Variants in NAALADL2 observed in about 807,000 individuals in gnomAD.
NAALADL2 encodes the protein N-acetylated alpha-linked acidic dipeptidase like 2.
Under a neutral mutation model 87.2 loss-of-function variants are expected in NAALADL2, and 76 were observed. The observed-to-expected ratio is 0.87, with a 90% CI of 0.72 to 1.05. NAALADL2 has a LOEUF of 1.05. Among genes scored for constraint, NAALADL2 ranks in the 50% least tolerant of loss-of-function variants. The pLI is 0.00. For synonymous variants in NAALADL2, 354 were observed against 331.0 expected (o/e 1.07, Z -0.75); for missense variants, 1,089 against 945.8 (o/e 1.15, Z -1.99).
rs1258506530 is a variant in NAALADL2, at chr3:174,522,916, A to G, written c.-183-27653A>G. ...GCCACTGCACTCCAGCTTGGGCGAA[A>G]GAGCGAGACTCTGTCTCAAAAAAAA... On this transcript the variant is annotated intron_variant, in intron 1 of 3. Transcript: ENST00000434257. Among the ~76,000 whole-genome samples the G allele has an allele frequency of 8.2e-5, 12 of 145,838 alleles. No homozygotes were observed. In the South Asian group the frequency reaches 2.1e-3, roughly 25 times the overall value.
chr3:175,130,477 TC>T (rs1306402926), intron 2 of NAALADL2, among the ~76,000 whole-genome samples: 2 of 152,180 alleles, frequency 1.3e-5, no homozygotes, highest in East Asian at 3.9e-4. Flanking sequence ...TGATTTCAGG[TC>T]TTACCTCGAA....
chr3:175,698,361 G>GTATATATGTATGTGTATTTATGTATGTA lies in NAALADL2; in HGVS notation c.1897-38942_1897-38915dup, dbSNP rs1560994935. Reference sequence around the variant, plus strand: ...TATATGTATGTGTATTTATGTATGTGTATATATGTATGTGTATTTATGTAT... The same window carrying GTATATATGTATGTGTATTTATGTATGTA: ...TATATGTATGTGTATTTATGTATGTGTATATATGTATGTGTATTTATGTATGTATATATATGTATGTGTATTTATGTAT... On this transcript the variant is annotated intron_variant, in intron 11 of 13. Coordinates refer to ENST00000454872, the MANE Select transcript of NAALADL2 (RefSeq NM_207015.3). 1.1e-4 allele frequency among the ~76,000 whole-genome samples: 5 copies of GTATATATGTATGTGTATTTATGTATGTA among 46,212 alleles called. 1 individual carries two copies. Among genetic ancestry groups the GTATATATGTATGTGTATTTATGTATGTA allele is most frequent in the Admixed American group, 4.4e-4 (2 of 4,540 alleles). The allele number at this position is 46,212 out of a possible 152,430, so 30.3% of individuals were successfully genotyped here.
At chr3:175,275,907 T>C (rs1487544362) in intron 4 of NAALADL2, among the ~76,000 whole-genome samples, 3 of 151,270 alleles carry the variant, frequency 2.0e-5, no homozygotes, top group Non-Finnish European at 4.4e-5. Context: ...ACTATTTCCT[T>C]TTCTAAAATT....
At chr3:174,725,563 C>T (rs1211687209) in intron 2 of NAALADL2, among the ~76,000 whole-genome samples, 1 of 152,124 alleles carries the variant, frequency 6.6e-6, no homozygotes, top group African/African-American at 2.4e-5. Context: ...TGTAAGATGT[C>T]TGTGCATTTA....
intron 1 of NAALADL2, among the ~76,000 whole-genome samples, chr3:174,942,998 C>A (rs558367355): frequency 6.6e-6 from 1 of 152,244 alleles, no homozygotes. Context: ...TCTCAATGAT[C>A]TTTGTTTCTA....
chr3:175,078,530 C>A (rs1717090777), intron 1 of NAALADL2, among the ~76,000 whole-genome samples: 1 of 152,122 alleles, frequency 6.6e-6, no homozygotes, highest in South Asian at 2.1e-4. Context: ...AGTTGTAGAA[C>A]ATTTCATCGT....
chr3:174,956,991 C>T (rs576588171), intron 1 of NAALADL2, among the ~76,000 whole-genome samples: 9 of 152,092 alleles, frequency 5.9e-5, no homozygotes, highest in Non-Finnish European at 8.8e-5. Context: ...CAGTACTCAC[C>T]GCTTTTACTT....
chr3:175,565,706 CTAAA>C (rs1716994459), intron 9 of NAALADL2, among the ~76,000 whole-genome samples: 1 of 151,788 alleles, frequency 6.6e-6, no homozygotes, highest in South Asian at 2.1e-4. Flanking sequence ...TTTCACAACT[CTAAA>C]TACCCAATTT....
chr3:175,183,850 T>C (rs1396360930), intron 2 of NAALADL2, among the ~76,000 whole-genome samples: 2 of 152,110 alleles, frequency 1.3e-5, no homozygotes, highest in Non-Finnish European at 2.9e-5. Flanking sequence ...ATTTCTTACT[T>C]TGTTGACAGA....
In NAALADL2 at chr3:175,669,430, T is replaced by C. The variant is rs188282909; in HGVS notation, c.1896+42044T>C. ...CCAGAGCTTTCATCACATTTTATAA[T>C]GTCCTGATGATGTGCATCTTTATTC... On this transcript the variant is annotated intron_variant, in intron 11 of 13. Transcript: ENST00000454872. Among the ~76,000 whole-genome samples the C allele has an allele frequency of 3.0e-4, 46 of 152,254 alleles. 1 individual carries two copies. Among genetic ancestry groups the C allele is most frequent in the African/African-American group, 1.0e-3 (42 of 41,588 alleles).
chr3:174,846,624 A>G (rs1424023488), intron 3 of NAALADL2, among the ~76,000 whole-genome samples: 3 of 152,220 alleles, frequency 2.0e-5, no homozygotes, highest in African/African-American at 4.8e-5. Flanking sequence ...ACAAACATAT[A>G]GAAAAATAAA....
chr3:175,051,492 T>A (rs1290308055), intron 1 of NAALADL2, among the ~76,000 whole-genome samples: 4 of 152,148 alleles, frequency 2.6e-5, no homozygotes, highest in Non-Finnish European at 5.9e-5. Flanking sequence ...GCCTCTCAGC[T>A]CCTAGAGGTC....
chr3:175,315,477 T>C (rs1759019773), intron 4 of NAALADL2, among the ~76,000 whole-genome samples: 2 of 152,158 alleles, frequency 1.3e-5, no homozygotes, highest in African/African-American at 4.8e-5. Flanking sequence ...TGTTAATAAA[T>C]TTATGTAATA....
intron 13 of NAALADL2, among the ~76,000 whole-genome samples, chr3:175,774,233 A>C (rs1225570832): frequency 6.6e-6 from 1 of 152,100 alleles, no homozygotes; most frequent in African/African-American, 2.4e-5. Flanking sequence ...CAAGACTATA[A>C]GATATTTATA....
Position 174,658,612 on chromosome 3 carries a change from A to G in NAALADL2, c.-114-79029A>G, listed in dbSNP as rs149918528. Among the ~76,000 whole-genome samples, 11 of 152,270 alleles carry G rather than the reference A, an allele frequency of 7.2e-5. No homozygotes were observed. In the East Asian group the frequency reaches 1.7e-3, roughly 24 times the overall value. On this transcript the variant is annotated intron_variant, in intron 2 of 3. Transcript: ENST00000434257. The stretch of plus-strand genomic sequence containing the variant: ...ATGTTTATGAGTAGGGAGAAATTCA[A>G]ATTTGGCTTCTGAAAGTGAGAAATT...
chr3:175,522,144 T>C (rs956160379), intron 9 of NAALADL2, among the ~76,000 whole-genome samples: 25 of 152,272 alleles, frequency 1.6e-4, no homozygotes, highest in African/African-American at 5.8e-4. Flanking sequence ...TCTCAATAAT[T>C]TGGAGATAAA....
intron 5 of NAALADL2, among the ~76,000 whole-genome samples, chr3:175,352,741 C>T (rs982844523): frequency 2.6e-5 from 4 of 152,082 alleles, no homozygotes; most frequent in African/African-American, 7.2e-5. Context: ...AAGCAATGGG[C>T]ACAATGACAT....
chr3:175,379,683 G>C (rs1236841142), intron 5 of NAALADL2, among the ~76,000 whole-genome samples: 3 of 151,882 alleles, frequency 2.0e-5, no homozygotes, highest in African/African-American at 7.3e-5. Flanking sequence ...GAGATTACAG[G>C]TGTGAGCCAC....
At chr3:175,350,446 CA>C (rs1763642686) in intron 5 of NAALADL2, among the ~76,000 whole-genome samples, 1 of 152,070 alleles carries the variant, frequency 6.6e-6, no homozygotes, top group Non-Finnish European at 1.5e-5. Context: ...GTTCAGAATG[CA>C]CATGGGCCTC....
Sources: gnomAD v4.1 joint callset for allele counts (sites outside exome capture counted in the v4.1 genomes callset) on GRCh38, gnomAD v4.1.1 for gene constraint, MANE v1.5 for transcripts, NCBI Gene and HGNC (gene_info 2026-07-23, HGNC 2026-07-21) for gene names.